The following AGBL1 variants were observed in gnomAD, a reference collection of about 807,000 sequenced individuals.
AGBL1 encodes the protein AGBL carboxypeptidase 1.
A neutral mutation model predicts 118.9 loss-of-function variants in AGBL1; 130 were observed. The ratio of observed to expected loss-of-function variants is 1.09; its 90% CI spans 0.95 to 1.26. The LOEUF is 1.26. Ranked by LOEUF, AGBL1 falls within the 50% of genes most tolerant of loss-of-function variation. AGBL1 has a pLI of 0.00. For synonymous variants in AGBL1, 555 were observed against 478.9 expected (o/e 1.16, Z -2.08); for missense variants, 1,584 against 1,298.1 (o/e 1.22, Z -3.38).
chr15:86,832,852 A>ATTT (rs1283359377), intron 22 of AGBL1, among the ~76,000 whole-genome samples: 1 of 152,126 alleles, frequency 6.6e-6, no homozygotes, highest in African/African-American at 2.4e-5. Flanking sequence ...ACTGGTACCA[A>ATTT]TTTACTGTAT....
chr15:86,149,940 G>T (rs2077085069), intron 3 of AGBL1, among the ~76,000 whole-genome samples: 1 of 152,178 alleles, frequency 6.6e-6, no homozygotes, highest in African/African-American at 2.4e-5. Context: ...TCAGACCACA[G>T]TGTAATCAAA....
At chr15:87,003,555 C>G (rs965036757) in intron 24 of AGBL1, among the ~76,000 whole-genome samples, 1 of 152,124 alleles carries the variant, frequency 6.6e-6, no homozygotes, top group Non-Finnish European at 1.5e-5. Flanking sequence ...AGGAATGGTA[C>G]CCGCTCCTCC....
intron 22 of AGBL1, among the ~76,000 whole-genome samples, chr15:86,759,042 T>G (rs780597905): frequency 1.5e-4 from 22 of 151,166 alleles, no homozygotes; most frequent in Non-Finnish European, 2.7e-4. Flanking sequence ...AGCATGATTA[T>G]ACTTGATATA....
chr15:86,448,172 C>G (rs2082149063), intron 18 of AGBL1, among the ~76,000 whole-genome samples: 2 of 152,154 alleles, frequency 1.3e-5, no homozygotes, highest in East Asian at 3.9e-4. Flanking sequence ...AGTATCGAAA[C>G]AGAATAAATG....
intron 22 of AGBL1, among the ~76,000 whole-genome samples, chr15:86,729,031 C>G (rs1266766885): frequency 6.6e-6 from 1 of 152,182 alleles, no homozygotes; most frequent in Admixed American, 6.5e-5. Context: ...CAACAAAACT[C>G]TACAGTTTTT....
Position 86,674,376 on chromosome 15 carries a change from T to C in AGBL1, c.3098T>C (p.Leu1033Pro), listed in dbSNP as rs957795386. The C allele has an allele frequency of 6.2e-7, 1 of 1,613,036 alleles. No individual in the cohort carries two copies. ...TCTGCCAGCTGCAGCCATCAGCTCC[T>C]GGCTCAAGCTGCAACTCTGCTGAGT... ...LKSASCSHQL[L>P]AQAATLLSAE... The change falls in exon 22 of 23, where the codon CTG (leucine) becomes CCG (proline). Residue 1033 changes from leucine (L) to proline (P), a missense_variant. By Grantham distance (98) the Leu-to-Pro change is moderately conservative. Transcript: ENST00000614907.
chr15:86,213,791 C>A (rs936003430), intron 5 of AGBL1, among the ~76,000 whole-genome samples: 1 of 152,056 alleles, frequency 6.6e-6, no homozygotes, highest in Non-Finnish European at 1.5e-5. Context: ...CGTTTAAAAC[C>A]TTTTAAAGTG....
At chr15:86,243,144 A>C (rs995676536) in intron 6 of AGBL1, among the ~76,000 whole-genome samples, 8 of 151,480 alleles carry the variant, frequency 5.3e-5, no homozygotes, top group Non-Finnish European at 1.2e-4. Flanking sequence ...AAAAGGATAC[A>C]TTTTTTTTTC....
At chr15:86,535,961 T>C (rs1327185090) in intron 19 of AGBL1, among the ~76,000 whole-genome samples, 1 of 152,162 alleles carries the variant, frequency 6.6e-6, no homozygotes, top group African/African-American at 2.4e-5. Flanking sequence ...ATTTCCCTTT[T>C]TTTACATTTG....
At chr15:86,931,637 C>T (rs1364527604) in intron 23 of AGBL1, among the ~76,000 whole-genome samples, 1 of 145,446 alleles carries the variant, frequency 6.9e-6, no homozygotes, top group African/African-American at 2.5e-5. Context: ...TGATCAATTC[C>T]ATGCTAACAA....
intron 19 of AGBL1, among the ~76,000 whole-genome samples, chr15:86,539,464 C>T (rs940046607): frequency 3.3e-5 from 5 of 152,190 alleles, no homozygotes; most frequent in Non-Finnish European, 5.9e-5. Context: ...CTTAACACTT[C>T]TGTTCTTCGT....
chr15:86,545,232 C>CTCTA (rs1408490576), intron 19 of AGBL1, among the ~76,000 whole-genome samples: 2 of 152,200 alleles, frequency 1.3e-5, no homozygotes, highest in Non-Finnish European at 2.9e-5. Context: ...CATAGCCGAT[C>CTCTA]TCTAGTATGA....
chr15:86,921,216 T>C (rs769230913), intron 23 of AGBL1, among the ~76,000 whole-genome samples: 11 of 152,218 alleles, frequency 7.2e-5, no homozygotes, highest in Non-Finnish European at 1.2e-4. Context: ...GACGAAGCTT[T>C]GTTTAATGAT....
At chr15:86,975,304 T>G (rs1201410926) in intron 23 of AGBL1, among the ~76,000 whole-genome samples, 2 of 152,032 alleles carry the variant, frequency 1.3e-5, no homozygotes, top group African/African-American at 4.8e-5. Flanking sequence ...AATCACTTCT[T>G]ACGTGGTGGC....
chr15:86,439,840 G>T (rs921917655), intron 18 of AGBL1, among the ~76,000 whole-genome samples: 2 of 152,194 alleles, frequency 1.3e-5, no homozygotes, highest in Admixed American at 6.5e-5. Context: ...CAGCAGATAG[G>T]CTGTGTAAAC....
At chr15:87,012,711 T>A (rs770761548) in intron 24 of AGBL1, among the ~76,000 whole-genome samples, 9 of 151,868 alleles carry the variant, frequency 5.9e-5, no homozygotes, top group Non-Finnish European at 7.4e-5. Context: ...ACGAAAAAAA[T>A]TATTTTTTGG....
intron 18 of AGBL1, among the ~76,000 whole-genome samples, chr15:86,440,094 G>T (rs985694294): frequency 1.3e-5 from 2 of 152,114 alleles, no homozygotes; most frequent in Non-Finnish European, 2.9e-5. Flanking sequence ...ACCATAATTT[G>T]TGTTTGATTC....
rs199888818 is a variant in AGBL1, at chr15:86,397,413, A to G, written c.2422A>G (p.Ser808Gly). 53 of 1,612,984 alleles carry G rather than the reference A, an allele frequency of 3.3e-5. 1 individual carries two copies. The African/African-American group carries it at 6.0e-4, about 18-fold the overall frequency. The change falls in exon 18 of 23, where the codon AGC (serine) becomes GGC (glycine). Residue 808 changes from serine (S) to glycine (G), a missense_variant. Ser to Gly is a moderately conservative substitution (Grantham distance 56). Coordinates refer to ENST00000614907, the MANE Select transcript of AGBL1 (RefSeq NM_001386094.1). ...VITARVHPGE[S>G]NASWVMKGTL... Reference sequence around the variant, plus strand: ...CACTGCTCGAGTTCATCCAGGAGAGAGCAATGCCAGTTGGGTGATGAAGGG... The same window carrying G: ...CACTGCTCGAGTTCATCCAGGAGAGGGCAATGCCAGTTGGGTGATGAAGGG...
intron 24 of AGBL1, among the ~76,000 whole-genome samples, chr15:87,015,270 T>C: frequency 6.6e-6 from 1 of 152,168 alleles, no homozygotes; most frequent in Non-Finnish European, 1.5e-5. Context: ...CTGGCTTCTC[T>C]GGTTCTCCAG....
Sources: allele counts gnomAD v4.1 joint callset (sites outside exome capture counted in the v4.1 genomes callset), GRCh38; gene constraint gnomAD v4.1.1; transcripts MANE v1.5; gene names NCBI Gene and HGNC (gene_info 2026-07-23, HGNC 2026-07-21).